The following DNAH9 variants were observed in gnomAD, a reference collection of about 807,000 sequenced individuals.
DNAH9 encodes the protein DNAH9 variant protein.
DNAH9 carries 345 observed loss-of-function variants against 471.6 expected under a neutral mutation model. That is an observed-to-expected ratio of 0.73 (90% CI 0.67 to 0.80). DNAH9 has a LOEUF of 0.80. Among genes scored for constraint, DNAH9 ranks in the 30% least tolerant of loss-of-function variants. The probability of loss-of-function intolerance (pLI) is 0.00; values close to 1 mark genes in which losing one functional copy is unlikely to be tolerated. For synonymous variants in DNAH9, 2,093 were observed against 2,123.6 expected, an observed-to-expected ratio of 0.99 and a Z score of 0.40; for missense variants, 5,407 against 5,609.2, an observed-to-expected ratio of 0.96 and a Z score of 1.15.
At chr17:11,818,996 T>C (rs1970211113) in intron 45 of DNAH9, among the ~76,000 whole-genome samples, 1 of 151,946 alleles carries the variant, frequency 6.6e-6, no homozygotes, top group African/African-American at 2.4e-5. Flanking sequence ...CCGCCCCTAC[T>C]TCCTAATTCA....
chr17:11,883,068 T>C (rs1972780531), intron 55 of DNAH9: 2 of 987,486 alleles, frequency 2.0e-6, no homozygotes, highest in Non-Finnish European at 2.4e-6. Context: ...TGAGATCCAC[T>C]TGGATACCAG....
intron 60 of DNAH9, among the ~76,000 whole-genome samples, chr17:11,904,626 A>C (rs1402114135): frequency 2.8e-5 from 3 of 108,622 alleles, no homozygotes; most frequent in Middle Eastern, 4.1e-3. Context: ...GTGAGACTCC[A>C]TCTCAAAAAA....
chr17:11,711,653 C>G (rs1484453167), intron 26 of DNAH9, among the ~76,000 whole-genome samples: 1 of 151,228 alleles, frequency 6.6e-6, no homozygotes, highest in Non-Finnish European at 1.5e-5. Context: ...ATGACAAATT[C>G]AAAAATATAA....
intron 50 of DNAH9, among the ~76,000 whole-genome samples, chr17:11,860,934 T>C (rs891852831): frequency 6.6e-6 from 1 of 152,192 alleles, no homozygotes. Flanking sequence ...CCTTTGTGTA[T>C]GCACAGTTTC....
intron 26 of DNAH9, among the ~76,000 whole-genome samples, chr17:11,716,436 T>A (rs1459038699): frequency 6.6e-6 from 1 of 151,964 alleles, no homozygotes; most frequent in Non-Finnish European, 1.5e-5. Context: ...CCACTGACCC[T>A]GCCTTCAAAC....
At chr17:11,885,423 C>T (rs1352901705) in intron 56 of DNAH9, among the ~76,000 whole-genome samples, 1 of 152,168 alleles carries the variant, frequency 6.6e-6, no homozygotes, top group East Asian at 1.9e-4. Flanking sequence ...AATTGGGCTA[C>T]GTCCTGATGG....
intron 36 of DNAH9, among the ~76,000 whole-genome samples, chr17:11,766,800 T>C (rs1967958906): frequency 6.6e-6 from 1 of 151,876 alleles, no homozygotes; most frequent in African/African-American, 2.4e-5. Flanking sequence ...CCATCTCTAC[T>C]AAAAATACAA....
At chr17:11,958,834 A>T (rs1280467114) in intron 67 of DNAH9, among the ~76,000 whole-genome samples, 1 of 152,228 alleles carries the variant, frequency 6.6e-6, no homozygotes. Context: ...TTATGAGCAA[A>T]TGACAGATCA....
chr17:11,745,363 A>G (rs1053384199), intron 31 of DNAH9, among the ~76,000 whole-genome samples: 3 of 152,174 alleles, frequency 2.0e-5, no homozygotes, highest in Non-Finnish European at 4.4e-5. Flanking sequence ...TCACTCACCC[A>G]TAAATGAAAG....
At chr17:11,715,540 G>A (rs924432211) in intron 26 of DNAH9, among the ~76,000 whole-genome samples, 4 of 152,078 alleles carry the variant, frequency 2.6e-5, no homozygotes, top group African/African-American at 7.2e-5. Flanking sequence ...AGAGTCAAAC[G>A]GCCTCACCTT....
intron 56 of DNAH9, among the ~76,000 whole-genome samples, 196 bp downstream of exon 56, chr17:11,883,946 T>C (rs1972804657): frequency 6.6e-6 from 1 of 152,220 alleles, no homozygotes; most frequent in Non-Finnish European, 1.5e-5. Context: ...TCTTGTATTA[T>C]GTAGTTCCCA....
chr17:11,701,185 G>T lies in DNAH9; in HGVS notation c.5089G>T (p.Glu1697Ter). Residue 1697 changes from glutamate (E) to a stop codon, truncating the protein, a stop_gained, in exon 24 of 69, where the codon GAA (glutamate) becomes TAA (stop). Transcript: ENST00000262442. LOFTEE classifies it high-confidence loss of function. ...MKATVRHEMT[E>*]GVTAYEEKPR... ...GGCCACTGTGAGGCATGAGATGACA[G>T]AAGGTGTAACTGCCTATGAAGAAAA... is the stretch of plus-strand genomic sequence containing the variant. 6.2e-7 allele frequency: 1 copy of T among 1,614,150 alleles called. No homozygotes were observed. Among genetic ancestry groups the T allele is most frequent in the Non-Finnish European group, 8.5e-7 (1 of 1,180,000 alleles).
rs1449954614 is a variant in DNAH9 at position 11,704,442 on chromosome 17, G to A, written c.5391G>A (p.Lys1797=). The change falls in exon 25 of 69, where the codon AAG becomes AAA. Residue 1797 remains lysine, a splice_region_variant and synonymous_variant. Coordinates refer to ENST00000262442, the MANE Select transcript of DNAH9 (RefSeq NM_001372.4). ...RDVVAKMIAQ[K]VDNAQAFLWL... ...TGGTAGCCAAGATGATTGCTCAGAA[G>A]GTGGGTCCCAAACATCCAGGGATGC... The A allele has an allele frequency of 1.9e-6, 3 of 1,612,554 alleles. No homozygotes were observed. The highest frequency in any genetic ancestry group is 2.2e-5 in the East Asian group (1 of 44,862).
chr17:11,887,736 TCACACACACACACACACACACA>T (rs35670481), intron 57 of DNAH9, among the ~76,000 whole-genome samples: 1 of 147,406 alleles, frequency 6.8e-6, no homozygotes, highest in Non-Finnish European at 1.5e-5. Context: ...ATACACACAG[TCACACACACACACACACACACA>T]CACACACAGA....
At chr17:11,812,105 A>C (rs1969950771) in intron 45 of DNAH9, among the ~76,000 whole-genome samples, 1 of 145,094 alleles carries the variant, frequency 6.9e-6, no homozygotes, top group Non-Finnish European at 1.5e-5. Flanking sequence ...ATAATGCATA[A>C]ATTATGCATT....
At chr17:11,744,703 C>T (rs188739588) in intron 30 of DNAH9, 94 bp from the exon 31 acceptor site, 263 of 1,105,164 alleles carry the variant, frequency 2.4e-4, no homozygotes, top group Non-Finnish European at 3.2e-4. Flanking sequence ...TCAGAGGTGA[C>T]CTAATGCTCA....
chr17:11,932,973 C>T lies in DNAH9; in HGVS notation c.12297+768C>T, dbSNP rs1017503021. On this transcript the variant is annotated intron_variant, in intron 64 of 68. Coordinates refer to ENST00000262442, the MANE Select transcript of DNAH9 (RefSeq NM_001372.4). The surrounding 1 kb of genome is among the most constrained non-coding windows in gnomAD (Gnocchi z 4.3). ...CCAAACACAGAGTCAACAGGGCCAC[C>T]ACCTCTTCCTCGTGGGGAAAACGAA... is the stretch of plus-strand genomic sequence containing the variant. 6.6e-6 allele frequency among the ~76,000 whole-genome samples: 1 copy of T among 152,202 alleles called. No individual in the cohort carries two copies. The highest frequency in any genetic ancestry group is 2.4e-5 in the African/African-American group (1 of 41,450).
intron 32 of DNAH9, among the ~76,000 whole-genome samples, chr17:11,749,888 CAT>C (rs1322924057): frequency 6.6e-6 from 1 of 152,108 alleles, no homozygotes; most frequent in Non-Finnish European, 1.5e-5. Flanking sequence ...CATTTTATAA[CAT>C]ATTTTAATAT....
At position 11,742,390 on chromosome 17, in the gene DNAH9, A is replaced by G. The variant is rs116020332; in HGVS notation, c.6111+77A>G. On this transcript the variant is annotated intron_variant, in intron 30 of 68. Coordinates refer to ENST00000262442, the MANE Select transcript of DNAH9 (RefSeq NM_001372.4). ...TCTGGAAAAGTTCTGGAACAAATGT[A>G]TTAGGAAAACATACTCAAGCTTTCT... The G allele has an allele frequency of 1.0e-3, 1,463 of 1,453,936 alleles. 7 individuals carry two copies. The African/African-American group carries it at 0.014, about 14-fold the overall frequency. The allele number at this position is 1,453,936 out of a possible 1,614,324, so 90.1% of individuals were successfully genotyped here. A position where few individuals can be genotyped will look rare whatever the true frequency, so the allele number is the denominator to read the frequency against.
Sources: allele counts gnomAD v4.1 joint callset (sites outside exome capture counted in the v4.1 genomes callset), GRCh38; gene constraint gnomAD v4.1.1; non-coding constraint Gnocchi (gnomAD v3.1); transcripts MANE v1.5; gene names NCBI Gene and HGNC (gene_info 2026-07-23, HGNC 2026-07-21).